The following CHSY1 variants were observed in gnomAD, a reference collection of about 807,000 sequenced individuals.
The protein encoded by CHSY1 is N-acetylgalactosaminyl-proteoglycan 3-beta-glucuronosyltransferase 1.
CHSY1 carries 13 observed loss-of-function variants against 59.8 expected under a neutral mutation model. The observed-to-expected ratio is 0.22, with a 90% CI of 0.14 to 0.35. CHSY1 has a LOEUF of 0.35. Ranked by LOEUF, CHSY1 falls within the 10% of genes least tolerant of loss-of-function variation. The pLI is 1.00. For missense variants in CHSY1, 947 were observed against 1,030.6 expected (o/e 0.92, Z 1.11); for synonymous variants, 459 against 401.2 (o/e 1.14, Z -1.72).
intron 2 of CHSY1, among the ~76,000 whole-genome samples, chr15:101,219,869 C>G (rs2038771559): frequency 6.6e-6 from 1 of 152,152 alleles, no homozygotes; most frequent in South Asian, 2.1e-4. Context: ...CAAGTTCAAG[C>G]AATTATCCTG....
chr15:101,237,917 T>A (rs1424906598), intron 1 of CHSY1, among the ~76,000 whole-genome samples: 1 of 152,238 alleles, frequency 6.6e-6, no homozygotes, highest in African/African-American at 2.4e-5. Context: ...GTGTATTTAT[T>A]ATAGTGAAAA....
In CHSY1 at chr15:101,175,993, T is replaced by C. The variant is rs2141232673; in HGVS notation, c.*1395A>G. ...TTTAACTTTCTGGTATAATGACAGA[T>C]TCATTTCACTTTTGTCCCCAAAACA... On this transcript the variant is annotated 3_prime_UTR_variant, in exon 3 of 3. Transcript: ENST00000254190. 2 of 324,848 alleles carry C rather than the reference T, an allele frequency of 6.2e-6. No individual in the cohort carries two copies. Among genetic ancestry groups the C allele is most frequent in the African/African-American group, 2.1e-5 (1 of 47,340 alleles). The allele number at this position is 324,848 out of a possible 1,614,324, so 20.1% of individuals were successfully genotyped here.
chr15:101,251,046 G>T (rs1158924973), intron 1 of CHSY1, 91 bp downstream of exon 1: 6 of 1,246,906 alleles, frequency 4.8e-6, no homozygotes, highest in African/African-American at 1.5e-5. Flanking sequence ...GGCCTAGGAA[G>T]CGGGCGGAGG....
chr15:101,245,758 C>G (rs1284084244), intron 1 of CHSY1, among the ~76,000 whole-genome samples: 1 of 152,198 alleles, frequency 6.6e-6, no homozygotes, highest in Non-Finnish European at 1.5e-5. Context: ...AAAAACTACA[C>G]TCATTTTCAG....
intron 1 of CHSY1, among the ~76,000 whole-genome samples, chr15:101,250,624 T>C (rs2039097457): frequency 6.6e-6 from 1 of 152,254 alleles, no homozygotes; most frequent in African/African-American, 2.4e-5. Flanking sequence ...GCTGCGGGCA[T>C]TCTCTTTCAT....
intron 2 of CHSY1, among the ~76,000 whole-genome samples, chr15:101,195,839 A>C (rs1444252732): frequency 6.6e-6 from 1 of 151,818 alleles, no homozygotes; most frequent in Non-Finnish European, 1.5e-5. Flanking sequence ...AAAAAAAAAA[A>C]ACCCTGTCTC....
intron 2 of CHSY1, among the ~76,000 whole-genome samples, chr15:101,208,712 CAAAAA>C (rs35276997): frequency 5.2e-5 from 6 of 114,976 alleles, no homozygotes; most frequent in African/African-American, 1.9e-4. Flanking sequence ...GGCTCCATCT[CAAAAA>C]AAAAAAAAAA....
chr15:101,245,020 T>C (rs1055869925), intron 1 of CHSY1, among the ~76,000 whole-genome samples: 1 of 152,210 alleles, frequency 6.6e-6, no homozygotes, highest in Non-Finnish European at 1.5e-5. Flanking sequence ...CCTCAACAGG[T>C]ACCGGTCCTG....
intron 1 of CHSY1, among the ~76,000 whole-genome samples, chr15:101,243,332 C>T (rs2039020464): frequency 6.6e-6 from 1 of 152,228 alleles, no homozygotes; most frequent in Admixed American, 6.5e-5. Flanking sequence ...TTGCATATCG[C>T]TGCTGTATCC....
Position 101,227,224 on chromosome 15 carries a change from C to T in CHSY1, c.816+7858G>A, listed in dbSNP as rs146414586. Among the ~76,000 whole-genome samples the T allele has an allele frequency of 2.0e-5, 3 of 152,252 alleles. No homozygotes were observed. The East Asian group carries it at 5.8e-4, about 29-fold the overall frequency. On this transcript the variant is annotated intron_variant, in intron 2 of 2. Transcript: ENST00000254190. ...CAGCAAAAACCAGCAGCTTGGAAGC[C>T]ATTAGAGGGGTCAAAGAGGGGCTGG...
intron 2 of CHSY1, among the ~76,000 whole-genome samples, chr15:101,194,943 A>G (rs1173692663): frequency 1.3e-5 from 2 of 152,230 alleles, no homozygotes; most frequent in African/African-American, 4.8e-5. Flanking sequence ...AGATTCCACA[A>G]CATATGTCTT....
In CHSY1 at chr15:101,251,899, C is replaced by G. The variant is rs958257923; in HGVS notation, c.-443G>C. 1 of 151,134 alleles carries G rather than the reference C, an allele frequency of 6.6e-6. No individual in the cohort carries two copies. The highest frequency in any genetic ancestry group is 2.4e-5 in the African/African-American group (1 of 41,274). The allele number at this position is 151,134 out of a possible 1,614,324, so 9.4% of individuals were successfully genotyped here. A position where few individuals can be genotyped will look rare whatever the true frequency, so the allele number is the denominator to read the frequency against. ...CCGTCCTCTTCGTAGCCGGCGCCGC[C>G]GCCGCAGCTGCACATCCTCCGGCTT... On this transcript the variant is annotated 5_prime_UTR_variant, in exon 1 of 3. Coordinates refer to ENST00000254190, the MANE Select transcript of CHSY1 (RefSeq NM_014918.5).
At chr15:101,249,665 C>T (rs1273383961) in intron 1 of CHSY1, among the ~76,000 whole-genome samples, 1 of 152,016 alleles carries the variant, frequency 6.6e-6, no homozygotes, top group African/African-American at 2.4e-5. Flanking sequence ...AGGTGCACGC[C>T]ACCACACCCG....
intron 2 of CHSY1, among the ~76,000 whole-genome samples, chr15:101,205,143 CT>C (rs977674276): frequency 2.0e-5 from 3 of 151,308 alleles, no homozygotes; most frequent in South Asian, 4.2e-4. Context: ...AATATTTTAT[CT>C]TTTTTTTTCT....
At chr15:101,204,582 A>C (rs2038606612) in intron 2 of CHSY1, among the ~76,000 whole-genome samples, 1 of 151,830 alleles carries the variant, frequency 6.6e-6, no homozygotes, top group Non-Finnish European at 1.5e-5. Flanking sequence ...TTCAAAATAA[A>C]AATTGCCCCC....
chr15:101,219,991 G>T (rs1219511041), intron 2 of CHSY1, among the ~76,000 whole-genome samples: 1 of 152,032 alleles, frequency 6.6e-6, no homozygotes, highest in African/African-American at 2.4e-5. Context: ...TGACCTCAGG[G>T]GATCCGCCTG....
At chr15:101,196,919 C>A (rs2038514172) in intron 2 of CHSY1, among the ~76,000 whole-genome samples, 1 of 152,150 alleles carries the variant, frequency 6.6e-6, no homozygotes, top group Non-Finnish European at 1.5e-5. Context: ...CTGTATGTGA[C>A]CCCAGCAATT....
chr15:101,226,298 C>T (rs1024724058), intron 2 of CHSY1, among the ~76,000 whole-genome samples: 1 of 152,180 alleles, frequency 6.6e-6, no homozygotes, highest in African/African-American at 2.4e-5. Context: ...CAAGCACTCA[C>T]CTGTCCCAAA....
intron 2 of CHSY1, among the ~76,000 whole-genome samples, chr15:101,224,534 T>C (rs962258410): frequency 1.3e-5 from 2 of 152,140 alleles, no homozygotes; most frequent in Non-Finnish European, 2.9e-5. Context: ...CACTAGCAAG[T>C]GTAAGATTCA....
Sources: allele counts gnomAD v4.1 joint callset (sites outside exome capture counted in the v4.1 genomes callset), GRCh38; gene constraint gnomAD v4.1.1; transcripts MANE v1.5; gene names NCBI Gene and HGNC (gene_info 2026-07-23, HGNC 2026-07-21).